The following CDH20 variants were observed in gnomAD, a reference collection of about 807,000 sequenced individuals.
CDH20 encodes the protein cadherin 20, also known as cadherin-20.
CDH20 carries 29 observed loss-of-function variants against 74.2 expected under a neutral mutation model. The observed-to-expected ratio is 0.39, with a 90% CI of 0.29 to 0.53. The LOEUF (loss-of-function observed/expected upper bound fraction) is 0.53. CDH20 is among the 20% of genes least tolerant of loss of function. The pLI is 0.69. For missense variants in CDH20, 988 were observed against 1,048.3 expected (o/e 0.94, Z 0.79); for synonymous variants, 469 against 405.4 (o/e 1.16, Z -1.88).
At chr18:61,347,013 C>T (rs1054813877) in intron 1 of CDH20, among the ~76,000 whole-genome samples, 18 of 151,936 alleles carry the variant, frequency 1.2e-4, no homozygotes, top group South Asian at 4.2e-4. Flanking sequence ...AATGGTCCAT[C>T]GGTTCTATTT....
chr18:61,376,688 T>A lies in CDH20; in HGVS notation c.-153+42861T>A, dbSNP rs183539596. Among the ~76,000 whole-genome samples, 3 of 152,334 alleles carry A rather than the reference T, an allele frequency of 2.0e-5. No homozygotes were observed. The East Asian group carries it at 5.8e-4, about 29-fold the overall frequency. On this transcript the variant is annotated intron_variant, in intron 1 of 11. Coordinates refer to ENST00000262717, the MANE Select transcript of CDH20 (RefSeq NM_031891.4). ...TGGGATTATTGATGAGAAAAGGTAC[T>A]CTGAAGACAGTTTCTTTATGAGTAA...
chr18:61,478,770 C>T (rs1358962690), intron 1 of CDH20, among the ~76,000 whole-genome samples: 1 of 151,930 alleles, frequency 6.6e-6, no homozygotes, highest in Non-Finnish European at 1.5e-5. Flanking sequence ...GGGAAAGTGG[C>T]AATAAAGAAC....
intron 1 of CDH20, among the ~76,000 whole-genome samples, chr18:61,360,048 C>G (rs1910638903): frequency 1.3e-5 from 2 of 151,918 alleles, no homozygotes; most frequent in African/African-American, 4.8e-5. Flanking sequence ...AAAAATGCAC[C>G]CATTTCCCTT....
At chr18:61,430,819 G>T (rs1320834663) in intron 1 of CDH20, among the ~76,000 whole-genome samples, 1 of 151,960 alleles carries the variant, frequency 6.6e-6, no homozygotes, top group African/African-American at 2.4e-5. Flanking sequence ...TTACTTTCTG[G>T]CAGTATAAGA....
chr18:61,535,344 A>G (rs77953573), intron 7 of CDH20, among the ~76,000 whole-genome samples: 1 of 152,144 alleles, frequency 6.6e-6, no homozygotes, highest in Non-Finnish European at 1.5e-5. Context: ...AAAAATAAAA[A>G]TGATAAAAAT....
In CDH20 at chr18:61,554,663, G is replaced by A. The variant is rs767194637; in HGVS notation, c.2374G>A (p.Gly792Arg). ...PRFRKLAELY[G>R]ASEGPAPLW ...CTTCCGGAAGCTGGCCGAGCTCTAC[G>A]GGGCGTCGGAGGGACCCGCGCCGCT... Residue 792 changes from glycine (G) to arginine (R), a missense_variant, in exon 12 of 12, where the codon GGG (glycine) becomes AGG (arginine). By Grantham distance (125) the Gly-to-Arg change is moderately radical. This residue lies in a region of CDH20 where 375 missense variants were observed against 293.1 expected (regional missense o/e 1.28). Coordinates refer to ENST00000262717, the MANE Select transcript of CDH20 (RefSeq NM_031891.4). 51 of 1,590,072 alleles carry A rather than the reference G, an allele frequency of 3.2e-5. No homozygotes were observed. The highest frequency in any genetic ancestry group is 1.7e-4 in the Middle Eastern group (1 of 6,042).
Position 61,550,101 on chromosome 18 carries a change from C to T in CDH20, c.1772C>T (p.Thr591Ile). 6.2e-7 allele frequency: 1 copy of T among 1,614,226 alleles called. No homozygotes were observed. Among genetic ancestry groups the T allele is most frequent in the South Asian group, 1.1e-5 (1 of 91,084 alleles). Reference sequence around the variant, plus strand: ...GTGCTGAGCAGCACAGGCACACTGACCATCCAAGTGTGCAGCTGTGATGAC... The same window carrying T: ...GTGCTGAGCAGCACAGGCACACTGATCATCCAAGTGTGCAGCTGTGATGAC... The part of the protein sequence containing the change: ...QPVLSSTGTL[T>I]IQVCSCDDDG... Residue 591 changes from threonine (T) to isoleucine (I), a missense_variant, in exon 11 of 12, where the codon ACC (threonine) becomes ATC (isoleucine). This residue lies in a region of CDH20 where 613 missense variants were observed against 755.2 expected (regional missense o/e 0.81). Transcript: ENST00000262717.
At chr18:61,393,675 T>G (rs926235404) in intron 1 of CDH20, among the ~76,000 whole-genome samples, 1 of 152,356 alleles carries the variant, frequency 6.6e-6, no homozygotes, top group South Asian at 2.1e-4. Flanking sequence ...AACAGCTCAG[T>G]CACTGTCATA....
rs187379770 is a variant in CDH20, at chr18:61,417,095, T to C, written c.-152-73307T>C. Among the ~76,000 whole-genome samples the C allele has an allele frequency of 4.4e-3, 676 of 152,312 alleles. 4 individuals carry two copies. Among genetic ancestry groups the C allele is most frequent in the African/African-American group, 0.015 (633 of 41,550 alleles). On this transcript the variant is annotated intron_variant, in intron 1 of 11. Coordinates refer to ENST00000262717, the MANE Select transcript of CDH20 (RefSeq NM_031891.4). ...GATAATTTAGTGATTTAGTATTATT[T>C]AATGTCATATTTGTGTAACATGTAA...
rs79927496 is a variant in CDH20, at chr18:61,502,909, C to T, written c.662-44C>T. The T allele has an allele frequency of 5.8e-3, 8,840 of 1,514,046 alleles. 58 individuals are homozygous for T. The highest frequency in any genetic ancestry group is 0.024 in the Middle Eastern group (134 of 5,510). 93.8% of individuals were successfully genotyped at this position (1,514,046 alleles called of 1,614,324 possible). A position where few individuals can be genotyped will look rare whatever the true frequency, so the allele number is the denominator to read the frequency against. ...TAGAAACCAATCTTTAAAAACTGGACCTGTGGTTTTATTTTTATAAACAAA... is the reference window on the plus strand; with the variant it reads ...TAGAAACCAATCTTTAAAAACTGGATCTGTGGTTTTATTTTTATAAACAAA... On this transcript the variant is annotated intron_variant, in intron 4 of 11. Transcript: ENST00000262717.
At chr18:61,336,817 T>G (rs1335028646) in intron 1 of CDH20, among the ~76,000 whole-genome samples, 20 of 142,526 alleles carry the variant, frequency 1.4e-4, no homozygotes, top group South Asian at 7.1e-4. Flanking sequence ...CCAGAATATA[T>G]GGGGGGGGGT....
intron 1 of CDH20, among the ~76,000 whole-genome samples, chr18:61,467,674 C>T (rs898095117): frequency 1.3e-5 from 2 of 152,190 alleles, no homozygotes; most frequent in East Asian, 1.9e-4. Context: ...CAAACTTTTA[C>T]TGAGCATCTC....
chr18:61,457,916 T>G (rs1909630710), intron 1 of CDH20, among the ~76,000 whole-genome samples: 1 of 152,222 alleles, frequency 6.6e-6, no homozygotes, highest in African/African-American at 2.4e-5. Flanking sequence ...TTTTAAAATG[T>G]AGATTATCAG....
intron 1 of CDH20, among the ~76,000 whole-genome samples, chr18:61,388,861 A>C (rs985022417): frequency 2.0e-5 from 3 of 152,198 alleles, no homozygotes; most frequent in Non-Finnish European, 4.4e-5. Flanking sequence ...AAATTACAGA[A>C]AATGATAAAC....
chr18:61,554,256 A>G lies in CDH20; in HGVS notation c.1967A>G (p.Glu656Gly). 6.2e-7 allele frequency: 1 copy of G among 1,614,036 alleles called. No homozygotes were observed. The highest frequency in any genetic ancestry group is 8.5e-7 in the Non-Finnish European group (1 of 1,180,004). ...RKQPYIIDDE[E>G]NIHENIVRYD... ...CAACCATACATCATCGACGACGAGG[A>G]AAACATCCACGAGAACATCGTCCGC... The change falls in exon 12 of 12, where the codon GAA becomes GGA. Residue 656 changes from glutamate to glycine, a missense_variant. Transcript: ENST00000262717.
intron 2 of CDH20, among the ~76,000 whole-genome samples, chr18:61,495,182 G>A (rs1016932533): frequency 5.3e-5 from 8 of 152,270 alleles, no homozygotes; most frequent in South Asian, 2.1e-4. Context: ...TAGCTGGTGC[G>A]CAGTCAGTGT....
intron 1 of CDH20, among the ~76,000 whole-genome samples, chr18:61,429,885 C>G (rs970984862): frequency 6.6e-6 from 1 of 152,130 alleles, no homozygotes; most frequent in African/African-American, 2.4e-5. Context: ...AAACTATGTT[C>G]CTTTGTAGTG....
Position 61,490,495 on chromosome 18 carries a change from A to C in CDH20, c.-59A>C. 6.4e-7 allele frequency: 1 copy of C among 1,552,990 alleles called. No homozygotes were observed. The highest frequency in any genetic ancestry group is 2.3e-5 in the East Asian group (1 of 44,244). ...ACTGTGTATTTTTTTAAATTTGGAA[A>C]ATACTCAAGTTCCAGTTGCTTATCA... On this transcript the variant is annotated 5_prime_UTR_variant, in exon 2 of 12. Coordinates refer to ENST00000262717, the MANE Select transcript of CDH20 (RefSeq NM_031891.4).
chr18:61,551,090 T>C (rs191482350), intron 11 of CDH20, among the ~76,000 whole-genome samples: 23 of 152,282 alleles, frequency 1.5e-4, no homozygotes, highest in African/African-American at 5.3e-4. Flanking sequence ...TCCTTCTTCC[T>C]CTCAAGTCAT....
Sources: allele counts gnomAD v4.1 joint callset (sites outside exome capture counted in the v4.1 genomes callset), GRCh38; gene constraint gnomAD v4.1.1; regional missense constraint gnomAD v4.1.1; transcripts MANE v1.5; gene names NCBI Gene and HGNC (gene_info 2026-07-23, HGNC 2026-07-21).